The following PCBP3 variants were observed in gnomAD, a reference collection of about 807,000 sequenced individuals.
PCBP3 encodes the protein poly(rC)-binding protein 3.
In PCBP3, 25 loss-of-function variants were observed where a neutral mutation model predicts 52.7. The observed-to-expected ratio is 0.47, with a 90% CI of 0.35 to 0.66. The LOEUF (loss-of-function observed/expected upper bound fraction) is 0.66. PCBP3 is among the 30% of genes least tolerant of loss of function. The probability of loss-of-function intolerance (pLI) is 0.01; values close to 1 mark genes in which losing one functional copy is unlikely to be tolerated. For missense variants in PCBP3, 391 were observed against 490.3 expected, an observed-to-expected ratio of 0.80 and a Z score of 1.91; for synonymous variants, 162 against 183.0, an observed-to-expected ratio of 0.89 and a Z score of 0.93.
intron 5 of PCBP3, among the ~76,000 whole-genome samples, chr21:45,870,065 T>C (rs1032257034): frequency 6.6e-6 from 1 of 152,140 alleles, no homozygotes; most frequent in Admixed American, 6.5e-5. Flanking sequence ...TATTTTTTAG[T>C]TGTAATGTTA....
At chr21:45,920,563 T>G (rs1369656034) in intron 13 of PCBP3, among the ~76,000 whole-genome samples, 2 of 152,228 alleles carry the variant, frequency 1.3e-5, no homozygotes, top group Admixed American at 6.5e-5. Flanking sequence ...AATTTCTCTG[T>G]TGGAACCTAA....
intron 4 of PCBP3, among the ~76,000 whole-genome samples, chr21:45,813,181 G>T (rs966071468): frequency 2.6e-5 from 4 of 152,100 alleles, no homozygotes; most frequent in Admixed American, 2.0e-4. Flanking sequence ...TGTCACGCAG[G>T]TCTCTCAGGT....
intron 4 of PCBP3, among the ~76,000 whole-genome samples, chr21:45,799,449 CTT>C (rs2092198244): frequency 1.3e-5 from 2 of 152,266 alleles, no homozygotes; most frequent in Admixed American, 1.3e-4. Flanking sequence ...TATTGTTAAT[CTT>C]CCTCTGTACC....
intron 1 of PCBP3, among the ~76,000 whole-genome samples, chr21:45,658,653 T>A (rs1338179669): frequency 6.6e-6 from 1 of 152,146 alleles, no homozygotes; most frequent in East Asian, 1.9e-4. Flanking sequence ...AATCTATAGT[T>A]TTCTTGTGAT....
chr21:45,670,922 A>G (rs938296418), intron 2 of PCBP3, among the ~76,000 whole-genome samples: 7 of 152,172 alleles, frequency 4.6e-5, no homozygotes, highest in African/African-American at 1.7e-4. Context: ...GCCATCTGCT[A>G]CGGAGGTGGC....
At chr21:45,666,748 A>G (rs1272975657) in intron 1 of PCBP3, among the ~76,000 whole-genome samples, 1 of 145,262 alleles carries the variant, frequency 6.9e-6, no homozygotes, top group Non-Finnish European at 1.5e-5. Flanking sequence ...TTTTTTTTTT[A>G]GATGGGGTCT....
chr21:45,918,696 G>A (rs2073933035), intron 13 of PCBP3: 3 of 149,726 alleles, frequency 2.0e-5, no homozygotes, highest in Non-Finnish European at 3.0e-5. Context: ...GGGGGAAGAA[G>A]TTACTCTCAG....
Position 45,941,930 on chromosome 21 carries a change from T to G in PCBP3, c.*224T>G. On this transcript the variant is annotated 3_prime_UTR_variant, in exon 18 of 18. Coordinates refer to ENST00000681687, the MANE Select transcript of PCBP3 (RefSeq NM_001384156.1). ...TCCCCCCTCAGTGTTATTTTATTTA[T>G]GACTTACGCTCCCGTCTGCCCATGC... 2 of 425,120 alleles carry G rather than the reference T, an allele frequency of 4.7e-6. No individual in the cohort carries two copies. The allele number at this position is 425,120 out of a possible 1,614,324, so 26.3% of individuals were successfully genotyped here.
rs1345446343 is a variant in PCBP3, at chr21:45,800,388, CAA to C, written c.-126+44938_-126+44939del. ...GTGCAGATGATGTCGCCTTTGTAGA[CAA>C]AGGAAGAGACCTTGGAACCTGAGGG... On this transcript the variant is annotated intron_variant, in intron 4 of 17. Transcript: ENST00000681687. This position sits in a 1 kb window ranked among gnomAD's most constrained non-coding sequence, Gnocchi z 5.3. 2.0e-5 allele frequency among the ~76,000 whole-genome samples: 3 copies of C among 152,174 alleles called. No homozygotes were observed. The highest frequency in any genetic ancestry group is 2.0e-4 in the Admixed American group (3 of 15,288).
intron 4 of PCBP3, among the ~76,000 whole-genome samples, chr21:45,779,814 A>G (rs1478177430): frequency 1.3e-5 from 2 of 152,202 alleles, no homozygotes; most frequent in African/African-American, 2.4e-5. Context: ...CTCCCAATCA[A>G]AGTCCCAGAA....
rs1292760552 is a variant in PCBP3 at position 45,800,275 on chromosome 21, A to G, written c.-126+44823A>G. Among the ~76,000 whole-genome samples the G allele has an allele frequency of 1.3e-5, 2 of 152,264 alleles. No individual in the cohort carries two copies. The highest frequency in any genetic ancestry group is 1.9e-4 in the East Asian group (1 of 5,176). On this transcript the variant is annotated intron_variant, in intron 4 of 17. Coordinates refer to ENST00000681687, the MANE Select transcript of PCBP3 (RefSeq NM_001384156.1). The surrounding 1 kb of genome is among the most constrained non-coding windows in gnomAD (Gnocchi z 5.3). Reference sequence around the variant, plus strand: ...GCTCCTGGCAGATCCACCCACAGAGACAGCAGGTCCAGGTCAGGGCTACCC... The same window carrying G: ...GCTCCTGGCAGATCCACCCACAGAGGCAGCAGGTCCAGGTCAGGGCTACCC...
At chr21:45,693,081 A>T (rs992354994) in intron 2 of PCBP3, among the ~76,000 whole-genome samples, 1 of 152,194 alleles carries the variant, frequency 6.6e-6, no homozygotes, top group Non-Finnish European at 1.5e-5. Context: ...ACAAAATTCA[A>T]CACCCACTAA....
chr21:45,730,677 G>A (rs1269330027), intron 2 of PCBP3, among the ~76,000 whole-genome samples: 2 of 152,212 alleles, frequency 1.3e-5, no homozygotes, highest in African/African-American at 2.4e-5. Context: ...CTATTTGGTG[G>A]GGGGTTGCTT....
chr21:45,887,805 C>T (rs534252491), intron 5 of PCBP3, among the ~76,000 whole-genome samples: 10 of 152,348 alleles, frequency 6.6e-5, no homozygotes, highest in Admixed American at 2.6e-4. Flanking sequence ...GCAACTACTA[C>T]GCACTCCCTA....
intron 16 of PCBP3, among the ~76,000 whole-genome samples, chr21:45,937,893 A>T (rs2077047478): frequency 6.6e-6 from 1 of 152,264 alleles, no homozygotes; most frequent in East Asian, 1.9e-4. Context: ...ATTTGTGGTT[A>T]GGCGGGCATG....
intron 4 of PCBP3, chr21:45,828,260 C>CCAG (rs1443936383): frequency 6.6e-6 from 1 of 152,192 alleles, no homozygotes; most frequent in Non-Finnish European, 1.5e-5. Flanking sequence ...TATTTGCTTC[C>CCAG]CAGCTTTCCC....
At chr21:45,786,450 C>G (rs991431989) in intron 4 of PCBP3, among the ~76,000 whole-genome samples, 34 of 152,266 alleles carry the variant, frequency 2.2e-4, no homozygotes, top group Middle Eastern at 3.4e-3. Flanking sequence ...ACCAATGTGC[C>G]TGGCTAATTT....
intron 4 of PCBP3, among the ~76,000 whole-genome samples, chr21:45,820,448 A>T (rs2839005): frequency 6.6e-6 from 1 of 152,162 alleles, no homozygotes; most frequent in Non-Finnish European, 1.5e-5. Context: ...CTGTTCTCCC[A>T]CAATCCTTGT....
At chr21:45,743,470 A>T (rs1365108223) in intron 3 of PCBP3, among the ~76,000 whole-genome samples, 1 of 152,220 alleles carries the variant, frequency 6.6e-6, no homozygotes, top group Non-Finnish European at 1.5e-5. Context: ...GCTACTATTT[A>T]GGTGGTTGTA....
Sources: allele counts gnomAD v4.1 joint callset (sites outside exome capture counted in the v4.1 genomes callset), GRCh38; gene constraint gnomAD v4.1.1; non-coding constraint Gnocchi (gnomAD v3.1); transcripts MANE v1.5; gene names NCBI Gene and HGNC (gene_info 2026-07-23, HGNC 2026-07-21).